The following NT5E variants were observed in gnomAD, a reference collection of about 807,000 sequenced individuals.
The protein encoded by NT5E is 5'-nucleotidase.
NT5E carries 53 observed loss-of-function variants against 55.1 expected under a neutral mutation model. The ratio of observed to expected loss-of-function variants is 0.96; its 90% CI spans 0.77 to 1.21. NT5E has a LOEUF of 1.21. NT5E is among the 50% of genes most tolerant of loss of function. The pLI is 0.00. For synonymous variants in NT5E, 270 were observed against 278.4 expected, an observed-to-expected ratio of 0.97 and a Z score of 0.30; for missense variants, 683 against 724.3, an observed-to-expected ratio of 0.94 and a Z score of 0.65.
chr6:85,487,263 G>A, intron 4 of NT5E, 72 bp from the exon 5 acceptor site: 1 of 1,309,840 alleles, frequency 7.6e-7, no homozygotes, highest in Non-Finnish European at 1.1e-6. Context: ...GATAGATGAT[G>A]TTTCATTCCT....
intron 7 of NT5E, among the ~76,000 whole-genome samples, chr6:85,490,880 A>G (rs1167499941): frequency 6.6e-6 from 1 of 152,192 alleles, no homozygotes; most frequent in African/African-American, 2.4e-5. Flanking sequence ...AATAAGCAGT[A>G]TTTGCCAAGT....
At chr6:85,465,361 A>G (rs1195814622) in intron 1 of NT5E, among the ~76,000 whole-genome samples, 2 of 152,248 alleles carry the variant, frequency 1.3e-5, no homozygotes, top group South Asian at 2.1e-4. Context: ...TTCATTAAAA[A>G]CAAAATAATT....
rs1769863472 is a variant in NT5E at position 85,495,094 on chromosome 6, A to T, written c.*1090A>T. On this transcript the variant is annotated 3_prime_UTR_variant, in exon 9 of 9. Coordinates refer to ENST00000257770, the MANE Select transcript of NT5E (RefSeq NM_002526.4). ...GCACTGAATTCATTCTACTCATACT[A>T]CACACCCAGTTATGGAATGTCCAGA... 1.3e-5 allele frequency: 2 copies of T among 152,308 alleles called. No individual in the cohort carries two copies. Among genetic ancestry groups the T allele is most frequent in the East Asian group, 3.9e-4 (2 of 5,182 alleles). The allele number at this position is 152,308 out of a possible 1,614,324, so 9.4% of individuals were successfully genotyped here.
intron 3 of NT5E, 144 bp from the exon 4 acceptor site, chr6:85,485,091 G>C: frequency 1.3e-6 from 1 of 763,610 alleles, no homozygotes; most frequent in Admixed American, 2.1e-5. Flanking sequence ...TGCCCAGATA[G>C]GGCTCTGAAA....
At chr6:85,486,315 A>C (rs189609880) in intron 4 of NT5E, among the ~76,000 whole-genome samples, 77 of 152,346 alleles carry the variant, frequency 5.1e-4, no homozygotes, top group Non-Finnish European at 9.7e-4. Context: ...ATTAATCAGC[A>C]GTAACAATTG....
chr6:85,454,749 A>C (rs960351650), intron 1 of NT5E, among the ~76,000 whole-genome samples: 1 of 152,036 alleles, frequency 6.6e-6, no homozygotes, highest in Non-Finnish European at 1.5e-5. Context: ...CACCTTTAAC[A>C]CTCCTCACTG....
intron 3 of NT5E, among the ~76,000 whole-genome samples, chr6:85,481,347 C>G (rs978425368): frequency 1.3e-5 from 2 of 152,142 alleles, no homozygotes; most frequent in Non-Finnish European, 1.5e-5. Flanking sequence ...AAAAGGAGGA[C>G]TTGGCCAAGT....
At chr6:85,487,299 A>G (rs776349179) in intron 4 of NT5E, 36 bp from the exon 5 acceptor site, 39 of 1,584,340 alleles carry the variant, frequency 2.5e-5, no homozygotes, top group Non-Finnish European at 3.4e-5. Flanking sequence ...CCAGTGTGAG[A>G]TTTAATTGTA....
At chr6:85,473,578 C>A (rs1005443773) in intron 3 of NT5E, among the ~76,000 whole-genome samples, 1 of 152,062 alleles carries the variant, frequency 6.6e-6, no homozygotes, top group Non-Finnish European at 1.5e-5. Flanking sequence ...AGACAGGGAG[C>A]CAAAACACAC....
chr6:85,466,941 TGAG>T, intron 1 of NT5E, 116 bp from the exon 2 acceptor site: 1 of 945,788 alleles, frequency 1.1e-6, no homozygotes. Flanking sequence ...CTGACCCAGG[TGAG>T]GAGGACACAA....
intron 2 of NT5E, among the ~76,000 whole-genome samples, chr6:85,468,471 T>C (rs1000697924): frequency 3.9e-5 from 6 of 152,132 alleles, no homozygotes; most frequent in Non-Finnish European, 5.9e-5. Context: ...GAGGTCAGAG[T>C]CACAAGCTAG....
chr6:85,466,770 G>C (rs1199366116), intron 1 of NT5E, among the ~76,000 whole-genome samples: 1 of 152,208 alleles, frequency 6.6e-6, no homozygotes, highest in African/African-American at 2.4e-5. Context: ...GCTGGTAAAT[G>C]TGAACATTCA....
At chr6:85,492,527 C>T (rs1411858401) in intron 8 of NT5E, among the ~76,000 whole-genome samples, 2 of 152,330 alleles carry the variant, frequency 1.3e-5, no homozygotes, top group Admixed American at 6.5e-5. Context: ...AAAACCATCA[C>T]ATTAAATCAT....
At position 85,491,927 on chromosome 6, in the gene NT5E, A is replaced by T. The variant is rs745700845; in HGVS notation, c.1361-50A>T. 1.9e-6 allele frequency: 3 copies of T among 1,572,094 alleles called. No individual in the cohort carries two copies. The South Asian group carries it at 3.3e-5, about 17-fold the overall frequency. ...GAGTTTGGCCAAAATTCCTTAGGAA[A>T]CAGAAATCTCCCTTTGGATCTGGTG... On this transcript the variant is annotated intron_variant, in intron 7 of 8. Coordinates refer to ENST00000257770, the MANE Select transcript of NT5E (RefSeq NM_002526.4).
Position 85,485,289 on chromosome 6 carries a change from CTGA to C in NT5E, c.812_814del (p.Asp271del). ...GGGAAGTACCCATTCATAGTCACTT[CTGA>C]TGATGGGCGGAAGGTTCCTGTAGTC... is the stretch of plus-strand genomic sequence containing the variant. On this transcript the variant is annotated inframe_deletion, in exon 4 of 9. Coordinates refer to ENST00000257770, the MANE Select transcript of NT5E (RefSeq NM_002526.4). The C allele has an allele frequency of 6.2e-7, 1 of 1,614,210 alleles. No individual in the cohort carries two copies. The highest frequency in any genetic ancestry group is 8.5e-7 in the Non-Finnish European group (1 of 1,180,024).
intron 3 of NT5E, among the ~76,000 whole-genome samples, chr6:85,474,041 T>C (rs1769376276): frequency 6.6e-6 from 1 of 152,204 alleles, no homozygotes; most frequent in Non-Finnish European, 1.5e-5. Flanking sequence ...TGTCCTTTGT[T>C]CCCATAACAG....
Position 85,450,214 on chromosome 6 carries a change from C to A in NT5E, c.75C>A (p.Gly25=). ...GCGCGGTGCTGTGGCCTGCGGCTGG[C>A]GCCTGGGAGCTTACGATTTTGCACA... is the stretch of plus-strand genomic sequence containing the variant. ...ALGAVLWPAA[G]AWELTILHTN... The change falls in exon 1 of 9, where the codon GGC becomes GGA. Residue 25 remains glycine (G), a synonymous_variant. Coordinates refer to ENST00000257770, the MANE Select transcript of NT5E (RefSeq NM_002526.4). This position sits in a 1 kb window ranked among gnomAD's most constrained non-coding sequence, Gnocchi z 4.0. 6.2e-7 allele frequency: 1 copy of A among 1,607,636 alleles called. No homozygotes were observed. Among genetic ancestry groups the A allele is most frequent in the Non-Finnish European group, 8.5e-7 (1 of 1,178,420 alleles).
intron 3 of NT5E, among the ~76,000 whole-genome samples, chr6:85,484,855 T>C (rs1410965159): frequency 6.6e-6 from 1 of 152,148 alleles, no homozygotes; most frequent in Non-Finnish European, 1.5e-5. Context: ...GCCCACCTTA[T>C]AGGCAAGGAA....
At chr6:85,479,092 T>G (rs903442579) in intron 3 of NT5E, among the ~76,000 whole-genome samples, 3 of 152,166 alleles carry the variant, frequency 2.0e-5, no homozygotes. Context: ...AGTTTTATTT[T>G]TATAACAAAT....
Sources: gnomAD v4.1 joint callset for allele counts (sites outside exome capture counted in the v4.1 genomes callset) on GRCh38, gnomAD v4.1.1 for gene constraint, Gnocchi (gnomAD v3.1) non-coding constraint, MANE v1.5 for transcripts, NCBI Gene and HGNC (gene_info 2026-07-23, HGNC 2026-07-21) for gene names.